The following ASXL1 variants were observed in gnomAD, a reference collection of about 807,000 sequenced individuals.
ASXL1 encodes polycomb group protein ASXL1.
Under a neutral mutation model 89.1 loss-of-function variants are expected in ASXL1, and 65 were observed. That is an observed-to-expected ratio of 0.73 (90% CI 0.60 to 0.90). ASXL1 has a LOEUF of 0.90. Ranked by LOEUF, ASXL1 falls within the 40% of genes least tolerant of loss-of-function variation. The pLI is 0.00. For missense variants in ASXL1, 1,786 were observed against 1,942.9 expected, an observed-to-expected ratio of 0.92 and a Z score of 1.52; for synonymous variants, 739 against 746.9, an observed-to-expected ratio of 0.99 and a Z score of 0.17.
At chr20:32,396,425 T>C (rs1321841761) in intron 4 of ASXL1, among the ~76,000 whole-genome samples, 3 of 152,238 alleles carry the variant, frequency 2.0e-5, no homozygotes, top group Non-Finnish European at 4.4e-5. Context: ...TTTAGCTTTG[T>C]TAGGTGGGGC....
At chr20:32,386,789 C>CTT (rs11445027) in intron 4 of ASXL1, among the ~76,000 whole-genome samples, 25,158 of 129,478 alleles carry the variant, frequency 0.19, 2,743 homozygotes, top group Admixed American at 0.28. Flanking sequence ...CTCTCTCTCT[C>CTT]TTTTTTTTTT....
Position 32,379,360 on chromosome 20 carries a change from T to TTA in ASXL1, c.252+10238_252+10239insAT, listed in dbSNP as rs748479380. Reference sequence around the variant, plus strand: ...CCACCACGCCCAACTAATTTATTTATTTATTATTATTATTATTATTATTTT... The same window carrying TTA: ...CCACCACGCCCAACTAATTTATTTATTATTATTATTATTATTATTATTATTTT... On this transcript the variant is annotated intron_variant, in intron 4 of 12. Transcript: ENST00000375687. Among the ~76,000 whole-genome samples, 100 of 63,946 alleles carry TTA rather than the reference T, an allele frequency of 1.6e-3. No individual in the cohort carries two copies. The East Asian group carries it at 0.022, about 14-fold the overall frequency. The allele number at this position is 63,946 out of a possible 152,430, so 42.0% of individuals were successfully genotyped here.
chr20:32,433,503 T>TG lies in ASXL1; in HGVS notation c.1306dup (p.Ala436GlyfsTer2). ...AACAGGAGTCAGAACAAGCAGGGGT[T>TG]GCTAAGGATGCAAAATCTGTGGCCT... is the stretch of plus-strand genomic sequence containing the variant. On this transcript the variant is annotated frameshift_variant, in exon 12 of 13. Transcript: ENST00000375687. LOFTEE classifies it high-confidence loss of function. The TG allele has an allele frequency of 6.2e-7, 1 of 1,614,178 alleles. No homozygotes were observed. The highest frequency in any genetic ancestry group is 1.3e-5 in the African/African-American group (1 of 75,054).
Position 32,433,382 on chromosome 20 carries a change from T to C in ASXL1, c.1184T>C (p.Ile395Thr). ...GLCVPGESVR[I>T]QRGPATRQRD... The stretch of plus-strand genomic sequence containing the variant: ...TGTGTCCCAGGAGAATCAGTGCGTA[T>C]ACAGCGTGGTCCAGCCACCCGACAG... Residue 395 changes from isoleucine to threonine, a missense_variant, in exon 12 of 13, where the codon ATA becomes ACA. Physicochemically the swap from Ile to Thr is moderately conservative, Grantham distance 89. Transcript: ENST00000375687. 6.2e-7 allele frequency: 1 copy of C among 1,614,146 alleles called. No individual in the cohort carries two copies. The highest frequency in any genetic ancestry group is 8.5e-7 in the Non-Finnish European group (1 of 1,180,036).
At chr20:32,402,472 A>C (rs1157180182) in intron 4 of ASXL1, among the ~76,000 whole-genome samples, 1 of 152,244 alleles carries the variant, frequency 6.6e-6, no homozygotes, top group Non-Finnish European at 1.5e-5. Context: ...ATGAATACCT[A>C]CCTATGAGTA....
rs1311428343 is a variant in ASXL1 at position 32,438,866 on chromosome 20, C to T, written c.*1528C>T. 3 of 233,386 alleles carry T rather than the reference C, an allele frequency of 1.3e-5. No individual in the cohort carries two copies. The highest frequency in any genetic ancestry group is 1.1e-4 in the Admixed American group (2 of 17,788). The allele number at this position is 233,386 out of a possible 1,614,324, so 14.5% of individuals were successfully genotyped here. Reference sequence around the variant, plus strand: ...TCCTGCCTCTCTCCCAACATGTTTCCAGCAAGTAGATGCCCCTGTGTGTGT... The same window carrying T: ...TCCTGCCTCTCTCCCAACATGTTTCTAGCAAGTAGATGCCCCTGTGTGTGT... On this transcript the variant is annotated 3_prime_UTR_variant, in exon 13 of 13. Transcript: ENST00000375687.
intron 4 of ASXL1, among the ~76,000 whole-genome samples, chr20:32,426,380 T>C (rs575647641): frequency 8.1e-4 from 124 of 152,156 alleles, no homozygotes; most frequent in South Asian, 5.2e-3. Flanking sequence ...TAAGGAGTAT[T>C]TTATCTTAGT....
intron 1 of ASXL1, among the ~76,000 whole-genome samples, chr20:32,362,655 A>AAAC (rs567141023): frequency 1.3e-5 from 2 of 152,272 alleles, no homozygotes; most frequent in East Asian, 3.9e-4. Context: ...CAAACAAACA[A>AAAC]AACAACAACA....
At chr20:32,415,562 C>G (rs1412298353) in intron 4 of ASXL1, among the ~76,000 whole-genome samples, 3 of 152,204 alleles carry the variant, frequency 2.0e-5, no homozygotes, top group East Asian at 3.8e-4. Flanking sequence ...GCCCCTGCCT[C>G]TCAACTCTTG....
At chr20:32,397,329 T>C (rs2048786239) in intron 4 of ASXL1, among the ~76,000 whole-genome samples, 1 of 137,754 alleles carries the variant, frequency 7.3e-6, no homozygotes, top group South Asian at 2.5e-4. Flanking sequence ...CTCGAACTCT[T>C]GACCTTGTAA....
chr20:32,372,264 T>C, intron 4 of ASXL1: 1 of 1,272,980 alleles, frequency 7.9e-7, no homozygotes, highest in East Asian at 3.8e-5. Flanking sequence ...GGTCTGTTAG[T>C]CTACAGCTTG....
intron 4 of ASXL1, among the ~76,000 whole-genome samples, chr20:32,412,067 C>T (rs1003628762): frequency 1.7e-4 from 26 of 152,020 alleles, no homozygotes; most frequent in African/African-American, 6.3e-4. Context: ...CATCCATTTT[C>T]CTGGGGAGCT....
chr20:32,405,934 G>A (rs2048947022), intron 4 of ASXL1, among the ~76,000 whole-genome samples: 2 of 151,242 alleles, frequency 1.3e-5, no homozygotes, highest in Admixed American at 1.3e-4. Flanking sequence ...ATGGGGTTTT[G>A]CTCCTCTTGC....
intron 4 of ASXL1, among the ~76,000 whole-genome samples, chr20:32,426,554 C>CTTTTTTTTTTTTTTTTTTTT (rs1177815042): frequency 2.6e-4 from 22 of 83,952 alleles, no homozygotes; most frequent in African/African-American, 9.1e-4. Flanking sequence ...TTTTTTCTTT[C>CTTTTTTTTTTTTTTTTTTTT]TTTTTTTTTT....
rs2123255341 is a variant in ASXL1, at chr20:32,433,400, C to T, written c.1202C>T (p.Thr401Ile). 2 of 1,614,154 alleles carry T rather than the reference C, an allele frequency of 1.2e-6. No individual in the cohort carries two copies. The highest frequency in any genetic ancestry group is 1.7e-6 in the Non-Finnish European group (2 of 1,180,026). ...GTGCGTATACAGCGTGGTCCAGCCA[C>T]CCGACAGCGAGATGGGCATTTTAAG... ...ESVRIQRGPATRQRDGHFKKR... is the reference protein window; with the variant it reads ...ESVRIQRGPAIRQRDGHFKKR... The change falls in exon 12 of 13, where the codon ACC becomes ATC. Residue 401 changes from threonine (T) to isoleucine (I), a missense_variant. By Grantham distance (89) the Thr-to-Ile change is moderately conservative (BLOSUM62 -1). Coordinates refer to ENST00000375687, the MANE Select transcript of ASXL1 (RefSeq NM_015338.6).
intron 3 of ASXL1, among the ~76,000 whole-genome samples, chr20:32,368,353 C>A (rs2048240184): frequency 6.6e-6 from 1 of 152,070 alleles, no homozygotes; most frequent in Non-Finnish European, 1.5e-5. Context: ...ACTTAGTATG[C>A]CATTGTTTCA....
At chr20:32,416,910 C>T (rs757915842) in intron 4 of ASXL1, among the ~76,000 whole-genome samples, 1 of 152,146 alleles carries the variant, frequency 6.6e-6, no homozygotes, top group African/African-American at 2.4e-5. Context: ...CTTAAAAAGT[C>T]TGTAATTCCT....
chr20:32,383,307 CTT>C (rs543531381), intron 4 of ASXL1, among the ~76,000 whole-genome samples: 1 of 145,164 alleles, frequency 6.9e-6, no homozygotes, highest in Non-Finnish European at 1.5e-5. Flanking sequence ...TGTTGGTTTT[CTT>C]TTTTTTTTTT....
rs2011618010 is a variant in ASXL1 at position 32,433,773 on chromosome 20, A to G, written c.1575A>G (p.Lys525=). 8 of 1,614,224 alleles carry G rather than the reference A, an allele frequency of 5.0e-6. No homozygotes were observed. Among genetic ancestry groups the G allele is most frequent in the Middle Eastern group, 1.6e-4 (1 of 6,062 alleles). Residue 525 remains lysine (K), a synonymous_variant, in exon 12 of 13, where the codon AAA becomes AAG. Coordinates refer to ENST00000375687, the MANE Select transcript of ASXL1 (RefSeq NM_015338.6). The part of the protein sequence containing the change: ...VDQEPKDQKR[K]SFEQAASASF... ...AGGAACCCAAGGATCAGAAGAGGAA[A>G]TCCTTTGAGCAGGCGGCCTCTGCAT...
Sources: allele counts gnomAD v4.1 joint callset (sites outside exome capture counted in the v4.1 genomes callset), GRCh38; gene constraint gnomAD v4.1.1; transcripts MANE v1.5; gene names NCBI Gene and HGNC (gene_info 2026-07-23, HGNC 2026-07-21).